MACF1: variants seen among roughly 807,000 people sequenced by gnomAD.
MACF1 encodes microtubule actin crosslinking factor 1.
Under a neutral mutation model 854.8 loss-of-function variants are expected in MACF1, and 193 were observed. The observed-to-expected ratio is 0.23, with a 90% confidence interval of 0.20 to 0.25. The LOEUF (loss-of-function observed/expected upper bound fraction) is 0.25, where lower values mean the gene tolerates loss of function less well. Among genes scored for constraint, MACF1 ranks in the 10% least tolerant of loss-of-function variants. The probability of loss-of-function intolerance (pLI) is 1.00; values close to 1 mark genes in which losing one functional copy is unlikely to be tolerated. For missense variants in MACF1, 7,722 were observed against 8,929.1 expected (o/e 0.86, Z 5.45); for synonymous variants, 3,185 against 3,226.7 (o/e 0.99, Z 0.44).
intron 24 of MACF1, 70 bp downstream of exon 24, chr1:39,309,766 T>G: frequency 6.5e-7 from 1 of 1,542,532 alleles, no homozygotes; most frequent in South Asian, 1.2e-5. Flanking sequence ...GCTTTTTTCA[T>G]TACTGTGAGA....
chr1:39,458,266 C>A (rs1281952034), intron 89 of MACF1, 104 bp from the exon 90 acceptor site: 9 of 1,132,028 alleles, frequency 8.0e-6, no homozygotes, highest in Non-Finnish European at 1.1e-5. Flanking sequence ...CACAGCCTTT[C>A]CTGCCACCAC....
intron 36 of MACF1, 52 bp downstream of exon 36, chr1:39,327,405 T>A: frequency 6.5e-7 from 1 of 1,528,028 alleles, no homozygotes; most frequent in South Asian, 1.2e-5. Context: ...TTGAATGGTA[T>A]GAAGGCAGCT....
rs561893228 is a variant in MACF1, at chr1:39,253,848, G to GT, written c.358-447dup. Among the ~76,000 whole-genome samples, 447 of 152,310 alleles carry GT rather than the reference G, an allele frequency of 2.9e-3. 1 individual carries two copies. Among genetic ancestry groups the GT allele is most frequent in the African/African-American group, 0.01 (431 of 41,568 alleles). On this transcript the variant is annotated intron_variant, in intron 4 of 100. Coordinates refer to ENST00000564288, the MANE Select transcript of MACF1 (RefSeq NM_001394062.1). ...GGCTATCTTGAGCTCCTTTTGCCATGTTTGTAATAAAGTTGGCTCCATCTA... is the reference window on the plus strand; with the variant it reads ...GGCTATCTTGAGCTCCTTTTGCCATGTTTTGTAATAAAGTTGGCTCCATCTA...
At chr1:39,412,907 A>G in intron 58 of MACF1, 1 of 1,608,138 alleles carries the variant, frequency 6.2e-7, no homozygotes. Context: ...TTTCCACATG[A>G]GGACATCCTA....
intron 2 of MACF1, among the ~76,000 whole-genome samples, chr1:39,194,021 T>TG (rs1644287114): frequency 6.6e-6 from 1 of 152,042 alleles, no homozygotes; most frequent in Non-Finnish European, 1.5e-5. Context: ...TTAATAGAGA[T>TG]GGGGTTTCAC....
At chr1:39,248,730 C>T (rs1645009180) in intron 2 of MACF1, among the ~76,000 whole-genome samples, 1 of 152,070 alleles carries the variant, frequency 6.6e-6, no homozygotes, top group African/African-American at 2.4e-5. Flanking sequence ...GTGTTGTGAA[C>T]ATCACCTTTT....
chr1:39,223,499 GA>G (rs1159080075), intron 1 of MACF1, among the ~76,000 whole-genome samples: 14 of 151,906 alleles, frequency 9.2e-5, no homozygotes, highest in Non-Finnish European at 2.9e-5. Context: ...AGTAGGTGCT[GA>G]ATAAATGCTA....
At chr1:39,213,936 G>C (rs1337056546) in intron 1 of MACF1, among the ~76,000 whole-genome samples, 1 of 152,194 alleles carries the variant, frequency 6.6e-6, no homozygotes, top group Non-Finnish European at 1.5e-5. Context: ...AGGTGGGAGG[G>C]ATACCCACTT....
intron 2 of MACF1, among the ~76,000 whole-genome samples, chr1:39,192,587 G>A (rs1011545020): frequency 6.6e-6 from 1 of 152,132 alleles, no homozygotes; most frequent in African/African-American, 2.4e-5. Flanking sequence ...TATAATGAAA[G>A]TTCCATGTGT....
In MACF1 at chr1:39,340,898, G is replaced by A. The variant is rs1569577363; in HGVS notation, c.10526G>A (p.Gly3509Glu). The A allele has an allele frequency of 1.2e-6, 2 of 1,613,662 alleles. No homozygotes were observed. Among genetic ancestry groups the A allele is most frequent in the East Asian group, 4.5e-5 (2 of 44,890 alleles). Residue 3509 changes from glycine to glutamate, a missense_variant, in exon 40 of 101, where the codon GGA becomes GAA. Gly to Glu is a moderately conservative substitution (Grantham distance 98). Transcript: ENST00000564288. Reference protein sequence around the residue: ...GNKNLILNSKGSNSEIDVDSL... With the variant: ...GNKNLILNSKESNSEIDVDSL... ...AAAAATCTTATTCTGAACAGCAAGG[G>A]ATCTAACAGTGAAATAGATGTTGAC... is the stretch of plus-strand genomic sequence containing the variant.
chr1:39,191,307 G>A (rs1156323302), intron 2 of MACF1, among the ~76,000 whole-genome samples: 2 of 150,458 alleles, frequency 1.3e-5, no homozygotes, highest in Non-Finnish European at 2.9e-5. Context: ...GCTTAAGATA[G>A]CTTTGAAGTA....
Position 39,433,105 on chromosome 1 carries a change from C to T in MACF1, c.17515C>T (p.Arg5839Cys), listed in dbSNP as rs750086011. The T allele has an allele frequency of 2.6e-5, 42 of 1,611,244 alleles. No individual in the cohort carries two copies. The highest frequency in any genetic ancestry group is 3.3e-5 in the Non-Finnish European group (39 of 1,178,512). ...KDSMDELFSH[R>C]SEIFGTCGEE... ...TTCAATGGATGAACTCTTCAGTCAC[C>T]GTAGTGAAATCTTTGGCACATGTGG... Residue 5839 changes from arginine to cysteine, a missense_variant, in exon 68 of 101, where the codon CGT (arginine) becomes TGT (cysteine). This residue lies in a region of MACF1 where 2,807 missense variants were observed against 3,235.8 expected (regional missense o/e 0.87). Transcript: ENST00000564288.
chr1:39,364,373 G>GT (rs35455035), intron 49 of MACF1, among the ~76,000 whole-genome samples: 46,816 of 144,980 alleles, frequency 0.32, 7,511 homozygotes, highest in East Asian at 0.4. Flanking sequence ...AATTTTTAAA[G>GT]TTTTTTTTTT....
chr1:39,437,455 C>T (rs1570077162), intron 70 of MACF1, among the ~76,000 whole-genome samples: 1 of 151,854 alleles, frequency 6.6e-6, no homozygotes, highest in African/African-American at 2.4e-5. Flanking sequence ...GGACTACGGG[C>T]GTGCGCCACC....
intron 58 of MACF1, among the ~76,000 whole-genome samples, chr1:39,393,196 A>AAAATATATATAT (rs57576149): frequency 3.0e-5 from 2 of 66,576 alleles, no homozygotes; most frequent in African/African-American, 1.7e-4. Flanking sequence ...AAAAAAAAAA[A>AAAATATATATAT]ATATATATAT....
intron 2 of MACF1, among the ~76,000 whole-genome samples, chr1:39,149,329 C>T (rs182911584): frequency 2.6e-5 from 4 of 152,028 alleles, no homozygotes; most frequent in Admixed American, 6.6e-5. Context: ...GTCAGGGGTT[C>T]GAGACCAGTA....
At chr1:39,357,032 T>C (rs1244870148) in intron 44 of MACF1, among the ~76,000 whole-genome samples, 1 of 152,174 alleles carries the variant, frequency 6.6e-6, no homozygotes, top group African/African-American at 2.4e-5. Context: ...TTCTGAGCAG[T>C]TGGAAAAGTG....
intron 58 of MACF1, chr1:39,412,654 A>G (rs1643071310): frequency 6.2e-7 from 1 of 1,614,008 alleles, no homozygotes; most frequent in Non-Finnish European, 8.5e-7. Context: ...GGGAGGGGAG[A>G]TGGAAAGGAG....
intron 2 of MACF1, among the ~76,000 whole-genome samples, chr1:39,114,568 A>G (rs1451703685): frequency 6.6e-6 from 1 of 152,112 alleles, no homozygotes; most frequent in Non-Finnish European, 1.5e-5. Context: ...TCCAGCCTGG[A>G]TGACAGAGGA....
Sources: allele counts gnomAD v4.1 joint callset (sites outside exome capture counted in the v4.1 genomes callset), GRCh38; gene constraint gnomAD v4.1.1; regional missense constraint gnomAD v4.1.1; transcripts MANE v1.5; gene names NCBI Gene and HGNC (gene_info 2026-07-23, HGNC 2026-07-21).